The following NRXN3 variants were observed in gnomAD, a reference collection of about 807,000 sequenced individuals.
NRXN3 encodes the protein neurexin 3.
A neutral mutation model predicts 137.6 loss-of-function variants in NRXN3; 32 were observed. That is an observed-to-expected ratio of 0.23 (90% CI 0.18 to 0.31). The LOEUF (loss-of-function observed/expected upper bound fraction) is 0.31. Among genes scored for constraint, NRXN3 ranks in the 10% least tolerant of loss-of-function variants. NRXN3 has a pLI of 1.00. For missense variants in NRXN3, 1,574 were observed against 2,062.5 expected (o/e 0.76, Z 4.59); for synonymous variants, 798 against 784.5 (o/e 1.02, Z -0.29).
chr14:79,120,592 T>C (rs1010810915), intron 15 of NRXN3, among the ~76,000 whole-genome samples: 2 of 152,102 alleles, frequency 1.3e-5, no homozygotes, highest in African/African-American at 4.8e-5. Flanking sequence ...ATTCACCATG[T>C]GTACATATAT....
In NRXN3 at chr14:78,764,321, C is replaced by A. The variant is rs149220905; in HGVS notation, c.2045-39299C>A. On this transcript the variant is annotated intron_variant, in intron 8 of 20. Transcript: ENST00000335750. ...AAAGGAGTTAGAGAAGACAGATGAC[C>A]AAGGGCTGGAATAGCTGTTGAGGAG... 9.2e-5 allele frequency among the ~76,000 whole-genome samples: 14 copies of A among 152,268 alleles called. No homozygotes were observed. The East Asian group carries it at 2.7e-3, about 29-fold the overall frequency.
chr14:78,372,648 A>G (rs545268122), intron 4 of NRXN3, among the ~76,000 whole-genome samples: 2 of 152,326 alleles, frequency 1.3e-5, no homozygotes, highest in African/African-American at 4.8e-5. Context: ...TTTCTGAGTT[A>G]GAACTTCCTG....
Position 79,861,366 on chromosome 14 carries a change from T to C in NRXN3, c.4118T>C (p.Phe1373Ser). 1.3e-6 allele frequency: 2 copies of C among 1,536,144 alleles called. No homozygotes were observed. The highest frequency in any genetic ancestry group is 1.7e-6 in the Non-Finnish European group (2 of 1,146,910). Reference protein sequence around the residue: ...STDKSLSTSIFEGGYKAHAPK... With the variant: ...STDKSLSTSISEGGYKAHAPK... Reference sequence around the variant, plus strand: ...GATAAGAGTCTTTCCACTTCAATCTTCGAAGGTGGCTACAAAGCACATGCG... The same window carrying C: ...GATAAGAGTCTTTCCACTTCAATCTCCGAAGGTGGCTACAAAGCACATGCG... The change falls in exon 21 of 21, where the codon TTC becomes TCC. Residue 1373 changes from phenylalanine to serine, a missense_variant. Around this residue, in one of 5 missense-constraint regions of NRXN3, gnomAD observed 320 missense variants for 387.1 expected, o/e 0.83. Coordinates refer to ENST00000335750, the MANE Select transcript of NRXN3 (RefSeq NM_001330195.2). The surrounding 1 kb of genome is among the most constrained non-coding windows in gnomAD (Gnocchi z 5.4).
chr14:79,817,648 A>C (rs2099255844), intron 20 of NRXN3, among the ~76,000 whole-genome samples: 1 of 152,210 alleles, frequency 6.6e-6, no homozygotes, highest in African/African-American at 2.4e-5. Flanking sequence ...AGGAAGTAGA[A>C]GAAATGGGAT....
chr14:78,332,755 G>C (rs996835075), intron 4 of NRXN3, among the ~76,000 whole-genome samples: 2 of 151,930 alleles, frequency 1.3e-5, no homozygotes, highest in Non-Finnish European at 2.9e-5. Flanking sequence ...AAATTATTGT[G>C]ACTTAAAGGA....
intron 15 of NRXN3, among the ~76,000 whole-genome samples, chr14:79,303,931 G>A (rs1318958324): frequency 6.6e-6 from 1 of 151,976 alleles, no homozygotes; most frequent in Non-Finnish European, 1.5e-5. Context: ...TAATGGTGGT[G>A]GTAATAATAG....
Position 78,654,015 on chromosome 14 carries a change from C to T in NRXN3, c.1221+2689C>T, listed in dbSNP as rs180909510. The stretch of plus-strand genomic sequence containing the variant: ...TGCCCCGTCTGTTTTCCCTGTACAG[C>T]GTGATAGTCTTTCTAAGGGACTCGG... On this transcript the variant is annotated intron_variant, in intron 6 of 20. Coordinates refer to ENST00000335750, the MANE Select transcript of NRXN3 (RefSeq NM_001330195.2). 1.4e-3 allele frequency among the ~76,000 whole-genome samples: 211 copies of T among 152,288 alleles called. 1 individual carries two copies. The highest frequency in any genetic ancestry group is 4.1e-4 in the Non-Finnish European group (28 of 68,024).
At chr14:78,805,114 A>G (rs7141554) in intron 9 of NRXN3, among the ~76,000 whole-genome samples, 136,732 of 151,732 alleles carry the variant, frequency 0.9, 63,086 homozygotes, top group East Asian at 1. Context: ...TAAACCTAAA[A>G]TCTCTGGGAC....
chr14:79,400,243 T>G (rs1295307095), intron 15 of NRXN3, among the ~76,000 whole-genome samples: 2 of 152,340 alleles, frequency 1.3e-5, no homozygotes, highest in South Asian at 4.1e-4. Context: ...TCATTTTTGG[T>G]GTTCCATGGC....
chr14:78,747,504 G>A (rs1031358084), intron 8 of NRXN3, among the ~76,000 whole-genome samples: 2 of 152,148 alleles, frequency 1.3e-5, no homozygotes, highest in African/African-American at 4.8e-5. Context: ...TGCTTTAGTG[G>A]TATTTACAGA....
At chr14:79,347,251 T>A (rs998958542) in intron 15 of NRXN3, among the ~76,000 whole-genome samples, 3 of 152,088 alleles carry the variant, frequency 2.0e-5, no homozygotes, top group Non-Finnish European at 2.9e-5. Context: ...TTTGGAGAAA[T>A]TTTTAAAAAT....
At chr14:78,674,544 GA>G (rs1412515604) in intron 6 of NRXN3, among the ~76,000 whole-genome samples, 4 of 152,214 alleles carry the variant, frequency 2.6e-5, no homozygotes, top group Non-Finnish European at 5.9e-5. Context: ...TTTTGGTGGG[GA>G]ATAACATTTC....
rs140320994 is a variant in NRXN3 at position 78,884,278 on chromosome 14, T to A, written c.2276-72964T>A. On this transcript the variant is annotated intron_variant, in intron 10 of 20. Transcript: ENST00000335750. ...TTTTTGGGTATTTTTGCTTATTTTT[T>A]AAAAATAAATAACATTGATTTTTAA... Among the ~76,000 whole-genome samples the A allele has an allele frequency of 3.9e-3, 589 of 152,322 alleles. 2 individuals are homozygous for A. Among genetic ancestry groups the A allele is most frequent in the African/African-American group, 0.013 (555 of 41,564 alleles).
At chr14:78,469,293 A>T (rs890239590) in intron 4 of NRXN3, among the ~76,000 whole-genome samples, 1 of 152,160 alleles carries the variant, frequency 6.6e-6, no homozygotes, top group Non-Finnish European at 1.5e-5. Context: ...TATGAAAAAT[A>T]CTGATGCCTG....
At chr14:78,520,849 G>A (rs1203987535) in intron 4 of NRXN3, among the ~76,000 whole-genome samples, 1 of 152,172 alleles carries the variant, frequency 6.6e-6, no homozygotes, top group Non-Finnish European at 1.5e-5. Flanking sequence ...GTGAAAGTTA[G>A]GAGCTGTGAA....
chr14:79,301,751 G>C (rs983610277), intron 15 of NRXN3, among the ~76,000 whole-genome samples: 1 of 151,814 alleles, frequency 6.6e-6, no homozygotes, highest in East Asian at 1.9e-4. Flanking sequence ...GTGTGTGCGC[G>C]CGCGTGCATA....
Position 79,861,790 on chromosome 14 carries a change from G to A in NRXN3, c.4542G>A (p.Leu1514=), listed in dbSNP as rs2099414264. 1 of 1,614,058 alleles carries A rather than the reference G, an allele frequency of 6.2e-7. No homozygotes were observed. The highest frequency in any genetic ancestry group is 8.5e-7 in the Non-Finnish European group (1 of 1,180,028). ...CCGCCCTCTGCATCTTGATCCTCCTGTACGCCATGTACAAGTACAGGAACA... is the reference window on the plus strand; with the variant it reads ...CCGCCCTCTGCATCTTGATCCTCCTATACGCCATGTACAAGTACAGGAACA... ...AAAALCILIL[L]YAMYKYRNRD... is the part of the protein sequence containing the mutation. The change falls in exon 21 of 21, where the codon CTG becomes CTA. Residue 1514 remains leucine, a synonymous_variant. Transcript: ENST00000335750. The surrounding 1 kb of genome is among the most constrained non-coding windows in gnomAD (Gnocchi z 5.4).
At chr14:78,178,805 C>G (rs1265482600) in intron 1 of NRXN3, among the ~76,000 whole-genome samples, 2 of 152,116 alleles carry the variant, frequency 1.3e-5, no homozygotes, top group African/African-American at 4.8e-5. Flanking sequence ...ACACTTGGGT[C>G]TGAATCCAGG....
intron 4 of NRXN3, among the ~76,000 whole-genome samples, chr14:78,476,276 T>A (rs1194179550): frequency 4.6e-5 from 7 of 152,244 alleles, no homozygotes; most frequent in Non-Finnish European, 1.0e-4. Flanking sequence ...TGATTTGTGC[T>A]ATCTAGAGAA....
Sources: gnomAD v4.1 joint callset for allele counts (sites outside exome capture counted in the v4.1 genomes callset) on GRCh38, gnomAD v4.1.1 for gene constraint, gnomAD v4.1.1 regional missense constraint, Gnocchi (gnomAD v3.1) non-coding constraint, MANE v1.5 for transcripts, NCBI Gene and HGNC (gene_info 2026-07-23, HGNC 2026-07-21) for gene names.